Variants in AK5 observed in about 807,000 individuals in gnomAD.
AK5 encodes the protein adenylate kinase isoenzyme 5.
In AK5, 27 loss-of-function variants were observed where a neutral mutation model predicts 69.5. That is an observed-to-expected ratio of 0.39 (90% CI 0.29 to 0.54). The LOEUF is 0.54. Among genes scored for constraint, AK5 ranks in the 20% least tolerant of loss-of-function variants. AK5 has a pLI of 0.71. For missense variants in AK5, 531 were observed against 700.4 expected (o/e 0.76, Z 2.73); for synonymous variants, 260 against 244.4 (o/e 1.06, Z -0.60).
intron 6 of AK5, among the ~76,000 whole-genome samples, chr1:77,407,707 G>A (rs1649751684): frequency 6.6e-6 from 1 of 152,090 alleles, no homozygotes; most frequent in South Asian, 2.1e-4. Context: ...CTGAGGTTTA[G>A]AGTATGATTG....
At chr1:77,317,477 C>A (rs1472709632) in intron 5 of AK5, among the ~76,000 whole-genome samples, 1 of 152,054 alleles carries the variant, frequency 6.6e-6, no homozygotes, top group Admixed American at 6.6e-5. Context: ...ATGTTTTAAA[C>A]CCCCACACCA....
At chr1:77,411,168 A>G in intron 7 of AK5, 97 bp downstream of exon 7, 1 of 973,676 alleles carries the variant, frequency 1.0e-6, no homozygotes, top group South Asian at 1.6e-5. Flanking sequence ...AACTGCTGCA[A>G]GTTTTGAAGG....
At chr1:77,367,575 A>G (rs1166870671) in intron 6 of AK5, among the ~76,000 whole-genome samples, 3 of 11,312 alleles carry the variant, frequency 2.7e-4, no homozygotes, top group Admixed American at 2.0e-3. Context: ...ATATATATAT[A>G]TATAATATAT....
chr1:77,381,712 C>G (rs1247977327), intron 6 of AK5, among the ~76,000 whole-genome samples: 4 of 152,152 alleles, frequency 2.6e-5, no homozygotes, highest in Non-Finnish European at 5.9e-5. Context: ...TCCCAGGTAA[C>G]TCTATTTTAT....
intron 5 of AK5, among the ~76,000 whole-genome samples, chr1:77,328,429 G>A (rs1290133328): frequency 1.3e-5 from 2 of 152,172 alleles, no homozygotes; most frequent in Non-Finnish European, 1.5e-5. Flanking sequence ...GAACCCAGGA[G>A]GCGGAGGTTG....
intron 8 of AK5, among the ~76,000 whole-genome samples, chr1:77,464,028 A>G (rs1364982712): frequency 1.3e-5 from 2 of 152,258 alleles, no homozygotes; most frequent in African/African-American, 2.4e-5. Context: ...GCACTATGAA[A>G]GATGAAAAGT....
At chr1:77,329,808 T>C (rs1490144110) in intron 5 of AK5, among the ~76,000 whole-genome samples, 1 of 152,162 alleles carries the variant, frequency 6.6e-6, no homozygotes, top group Non-Finnish European at 1.5e-5. Context: ...AGTCTCAGGT[T>C]GCCGTGCTAT....
intron 8 of AK5, among the ~76,000 whole-genome samples, chr1:77,419,013 T>C (rs1366360592): frequency 6.6e-6 from 1 of 151,322 alleles, no homozygotes; most frequent in East Asian, 1.9e-4. Context: ...CTTCACAACA[T>C]CTCTAGGAAG....
chr1:77,540,903 T>G (rs924652353), intron 13 of AK5, among the ~76,000 whole-genome samples: 2 of 152,022 alleles, frequency 1.3e-5, no homozygotes, highest in Admixed American at 6.6e-5. Context: ...GAGTTTTTTT[T>G]TGTTTGTTTC....
intron 6 of AK5, among the ~76,000 whole-genome samples, chr1:77,392,479 G>A (rs1363718391): frequency 2.0e-5 from 3 of 152,176 alleles, no homozygotes; most frequent in Non-Finnish European, 2.9e-5. Context: ...AAACACTAAT[G>A]TTTTCTTAAA....
chr1:77,297,889 G>A lies in AK5; in HGVS notation c.641G>A (p.Gly214Asp). 1 of 1,613,484 alleles carries A rather than the reference G, an allele frequency of 6.2e-7. No individual in the cohort carries two copies. The highest frequency in any genetic ancestry group is 8.5e-7 in the Non-Finnish European group (1 of 1,179,800). Reference sequence around the variant, plus strand: ...TTGATGCAAATACCTGATGAAGAGGGCATTGTTATTGATGGATTTCCAAGA... The same window carrying A: ...TTGATGCAAATACCTGATGAAGAGGACATTGTTATTGATGGATTTCCAAGA... ...QKLMQIPDEE[G>D]IVIDGFPRDV... Residue 214 changes from glycine to aspartate, a missense_variant, in exon 5 of 14, where the codon GGC becomes GAC. By Grantham distance (94) the Gly-to-Asp change is moderately conservative. Transcript: ENST00000354567.
At chr1:77,540,206 G>T (rs755400964) in intron 13 of AK5, among the ~76,000 whole-genome samples, 3 of 152,218 alleles carry the variant, frequency 2.0e-5, no homozygotes, top group Non-Finnish European at 1.5e-5. Flanking sequence ...TATTCTTTAT[G>T]TCATCATAAT....
intron 10 of AK5, among the ~76,000 whole-genome samples, chr1:77,507,531 T>G (rs1404868347): frequency 6.6e-6 from 1 of 152,258 alleles, no homozygotes; most frequent in Non-Finnish European, 1.5e-5. Context: ...GTCTCTCAAC[T>G]ATACCACTGG....
chr1:77,449,501 C>T (rs1653002276), intron 8 of AK5, among the ~76,000 whole-genome samples: 1 of 152,164 alleles, frequency 6.6e-6, no homozygotes, highest in African/African-American at 2.4e-5. Context: ...TTTACAGGCT[C>T]ATAGGCAGAA....
intron 6 of AK5, among the ~76,000 whole-genome samples, chr1:77,366,933 G>A (rs952425680): frequency 1.1e-4 from 13 of 121,528 alleles, no homozygotes; most frequent in African/African-American, 3.0e-4. Flanking sequence ...TTTTATATTA[G>A]CCTTCACCCA....
intron 8 of AK5, among the ~76,000 whole-genome samples, chr1:77,448,556 G>A (rs149319376): frequency 2.6e-5 from 4 of 152,292 alleles, no homozygotes; most frequent in African/African-American, 7.2e-5. Context: ...GAGTGGTATT[G>A]TTGCTTAATA....
chr1:77,291,440 A>G (rs1460805047), intron 2 of AK5, among the ~76,000 whole-genome samples: 2 of 152,098 alleles, frequency 1.3e-5, no homozygotes, highest in Non-Finnish European at 2.9e-5. Context: ...TCTAACTAGC[A>G]GATTAACCTT....
intron 8 of AK5, among the ~76,000 whole-genome samples, chr1:77,435,742 G>A (rs981795865): frequency 7.9e-5 from 12 of 151,962 alleles, no homozygotes; most frequent in African/African-American, 2.9e-4. Context: ...GAGCAGATTA[G>A]TACTTCAAGA....
rs187470439 is a variant in AK5 at position 77,527,838 on chromosome 1, T to A, written c.1428+5895T>A. Among the ~76,000 whole-genome samples the A allele has an allele frequency of 1.7e-4, 26 of 152,352 alleles. No individual in the cohort carries two copies. In the East Asian group the frequency reaches 5.0e-3, roughly 29 times the overall value. ...ACTTTGGGAGGCCGAGGCGGGCAGA[T>A]CACCTGAGGTCAGGAGTTTGAGACA... On this transcript the variant is annotated intron_variant, in intron 12 of 13. Coordinates refer to ENST00000354567, the MANE Select transcript of AK5 (RefSeq NM_174858.3).
Sources: gnomAD v4.1 joint callset for allele counts (sites outside exome capture counted in the v4.1 genomes callset) on GRCh38, gnomAD v4.1.1 for gene constraint, MANE v1.5 for transcripts, NCBI Gene and HGNC (gene_info 2026-07-23, HGNC 2026-07-21) for gene names.